The following COBL variants were observed in gnomAD, a reference collection of about 807,000 sequenced individuals.
COBL encodes cordon-bleu WH2 repeat protein, also known as protein cordon-bleu.
In COBL, 51 loss-of-function variants were observed where a neutral mutation model predicts 98.8. That is an observed-to-expected ratio of 0.52 (90% CI 0.41 to 0.65). The LOEUF is 0.65. Among genes scored for constraint, COBL ranks in the 30% least tolerant of loss-of-function variants. The probability of loss-of-function intolerance (pLI) is 0.00; values close to 1 mark genes in which losing one functional copy is unlikely to be tolerated. For missense variants in COBL, 1,617 were observed against 1,617.5 expected, an observed-to-expected ratio of 1.00 and a Z score of 0.01; for synonymous variants, 634 against 651.7, an observed-to-expected ratio of 0.97 and a Z score of 0.41.
Position 51,017,555 on chromosome 7 carries a change from A to G in COBL, c.3782T>C (p.Val1261Ala). 1 of 1,613,992 alleles carries G rather than the reference A, an allele frequency of 6.2e-7. No individual in the cohort carries two copies. The highest frequency in any genetic ancestry group is 8.5e-7 in the Non-Finnish European group (1 of 1,179,876). Residue 1261 changes from valine (V) to alanine (A), a missense_variant, in exon 13 of 13, where the codon GTG becomes GCG. Val to Ala is a moderately conservative substitution (Grantham distance 64). Coordinates refer to ENST00000265136, the MANE Select transcript of COBL (RefSeq NM_015198.5). ...AATTCTCTGGCCTCTGTTCATTCAC[A>G]CGAGCAAGGGCACCTGCAGGGAAGA... ...AARLRKVPLL[V>A]
intron 1 of COBL, among the ~76,000 whole-genome samples, chr7:51,224,212 T>C (rs979884267): frequency 2.0e-5 from 3 of 152,232 alleles, no homozygotes. Context: ...CCCTTAAGGA[T>C]ACATTTCTCA....
chr7:51,223,317 T>C (rs768862118), intron 1 of COBL, among the ~76,000 whole-genome samples: 11 of 152,230 alleles, frequency 7.2e-5, no homozygotes, highest in Non-Finnish European at 1.2e-4. Context: ...ATTTAAAAAA[T>C]TGTAATATGT....
At chr7:51,232,539 C>T (rs143419075) in intron 1 of COBL, among the ~76,000 whole-genome samples, 251 of 152,250 alleles carry the variant, frequency 1.6e-3, no homozygotes, top group Non-Finnish European at 2.5e-3. Context: ...GGGCCAGGCA[C>T]GGTGGCTCAC....
At chr7:51,208,309 C>T (rs573015466) in intron 2 of COBL, among the ~76,000 whole-genome samples, 1 of 151,916 alleles carries the variant, frequency 6.6e-6, no homozygotes, top group African/African-American at 2.4e-5. Flanking sequence ...AGCGTCTCCG[C>T]CCGGCAGCCA....
At chr7:51,047,921 C>T (rs761493946) in intron 7 of COBL, among the ~76,000 whole-genome samples, 4 of 152,132 alleles carry the variant, frequency 2.6e-5, no homozygotes, top group Non-Finnish European at 4.4e-5. Flanking sequence ...AATCCCAGCA[C>T]GTTGGGAGGC....
chr7:51,195,588 C>G (rs1245530164), intron 2 of COBL, among the ~76,000 whole-genome samples: 1 of 152,162 alleles, frequency 6.6e-6, no homozygotes, highest in Non-Finnish European at 1.5e-5. Flanking sequence ...AGCATTAAAT[C>G]TATAAATTGC....
At position 51,263,226 on chromosome 7, in the gene COBL, TGCAAGAGACACCCTCC is replaced by T. The variant is rs1297540169; in HGVS notation, c.42-43298_42-43283del. Among the ~76,000 whole-genome samples the T allele has an allele frequency of 1.6e-3, 238 of 152,098 alleles. 7 individuals are homozygous for T. The highest frequency in any genetic ancestry group is 0.015 in the Admixed American group (231 of 15,294). On this transcript the variant is annotated intron_variant, in intron 1 of 12. Transcript: ENST00000265136. ...TCATCTACACTGCACTGGGGAAAGG[TGCAAGAGACACCCTCC>T]AGCCCTAGGCTCCTATGAGCAAGAG...
At chr7:51,237,040 T>G (rs1795319401) in intron 1 of COBL, among the ~76,000 whole-genome samples, 1 of 147,576 alleles carries the variant, frequency 6.8e-6, no homozygotes, top group Non-Finnish European at 1.5e-5. Context: ...GAATATTTCC[T>G]TCCTTGCAGT....
intron 6 of COBL, among the ~76,000 whole-genome samples, chr7:51,121,170 C>T (rs1033478324): frequency 2.0e-5 from 3 of 152,288 alleles, no homozygotes; most frequent in South Asian, 2.1e-4. Flanking sequence ...TCTACATCCC[C>T]GCCAACGCAT....
At chr7:51,257,885 A>G (rs1488810724) in intron 1 of COBL, among the ~76,000 whole-genome samples, 1 of 152,286 alleles carries the variant, frequency 6.6e-6, no homozygotes, top group South Asian at 2.1e-4. Context: ...GTCTATTCCT[A>G]TAAGACCTGC....
intron 5 of COBL, among the ~76,000 whole-genome samples, chr7:51,170,529 AT>A (rs201733207): frequency 0.025 from 3,614 of 142,728 alleles, 124 homozygotes; most frequent in South Asian, 0.19. Flanking sequence ...ATATATATAT[AT>A]AAATATATAT....
At chr7:51,065,305 G>A in intron 7 of COBL, 1 of 703,486 alleles carries the variant, frequency 1.4e-6, no homozygotes, top group Non-Finnish European at 2.6e-6. Context: ...GGAGGAGGAA[G>A]AGAAACAGGA....
chr7:51,073,881 A>G (rs1792802775), intron 7 of COBL, among the ~76,000 whole-genome samples: 1 of 152,212 alleles, frequency 6.6e-6, no homozygotes, highest in African/African-American at 2.4e-5. Context: ...ATATAAACTT[A>G]GAGAATACTG....
chr7:51,306,971 T>A (rs1802533543), intron 1 of COBL, among the ~76,000 whole-genome samples: 1 of 152,170 alleles, frequency 6.6e-6, no homozygotes, highest in South Asian at 2.1e-4. Flanking sequence ...TGCTTCAATG[T>A]GGCCTAGCAG....
At chr7:51,150,060 C>T (rs1785415588) in intron 5 of COBL, among the ~76,000 whole-genome samples, 3 of 152,146 alleles carry the variant, frequency 2.0e-5, no homozygotes, top group Admixed American at 1.3e-4. Context: ...AGTTCTCATA[C>T]AGAAAACAAG....
At chr7:51,112,522 A>G (rs762446680) in intron 6 of COBL, among the ~76,000 whole-genome samples, 3 of 152,206 alleles carry the variant, frequency 2.0e-5, no homozygotes, top group Admixed American at 6.5e-5. Flanking sequence ...GCAGATGCAT[A>G]GGTTACAATA....
intron 1 of COBL, among the ~76,000 whole-genome samples, chr7:51,245,187 TCTC>T (rs1349754924): frequency 6.6e-6 from 1 of 152,060 alleles, no homozygotes; most frequent in Non-Finnish European, 1.5e-5. Context: ...CACACGCCCT[TCTC>T]CTGCAAGTCC....
At chr7:51,147,763 T>C (rs553843521) in intron 5 of COBL, among the ~76,000 whole-genome samples, 2 of 151,832 alleles carry the variant, frequency 1.3e-5, no homozygotes, top group African/African-American at 4.8e-5. Context: ...CTTTTTTTTT[T>C]TTTTTGATAC....
At chr7:51,195,378 T>C (rs913015882) in intron 2 of COBL, among the ~76,000 whole-genome samples, 1 of 152,156 alleles carries the variant, frequency 6.6e-6, no homozygotes, top group Non-Finnish European at 1.5e-5. Flanking sequence ...GCCCTATGTG[T>C]CTGTTTTTGT....
Sources: gnomAD v4.1 joint callset for allele counts (sites outside exome capture counted in the v4.1 genomes callset) on GRCh38, gnomAD v4.1.1 for gene constraint, MANE v1.5 for transcripts, NCBI Gene and HGNC (gene_info 2026-07-23, HGNC 2026-07-21) for gene names.